Variants in MACF1 observed in about 807,000 individuals in gnomAD.
The protein encoded by MACF1 is microtubule-actin cross-linking factor 1.
A neutral mutation model predicts 854.8 loss-of-function variants in MACF1; 193 were observed. The observed-to-expected ratio is 0.23, with a 90% CI of 0.20 to 0.25. MACF1 has a LOEUF of 0.25. Ranked by LOEUF, MACF1 falls within the 10% of genes least tolerant of loss-of-function variation. The pLI is 1.00. For missense variants in MACF1, 7,722 were observed against 8,929.1 expected, an observed-to-expected ratio of 0.86 and a Z score of 5.45; for synonymous variants, 3,185 against 3,226.7, an observed-to-expected ratio of 0.99 and a Z score of 0.44.
Position 39,327,261 on chromosome 1 carries a change from G to A in MACF1, c.4522G>A (p.Ala1508Thr), listed in dbSNP as rs762237755. ...GAAACAAATATCTGAGCAATTGAAT[G>A]CCCTAAACAAGGCTTACCATGACCT... ...EKKQISEQLN[A>T]LNKAYHDLCD... The change falls in exon 36 of 101, where the codon GCC (alanine) becomes ACC (threonine). Residue 1508 changes from alanine (A) to threonine (T), a missense_variant. By Grantham distance (58) the Ala-to-Thr change is moderately conservative. This residue lies in a region of MACF1 where 1,531 missense variants were observed against 1,601.6 expected (regional missense o/e 0.96). Transcript: ENST00000564288. 2 of 1,602,564 alleles carry A rather than the reference G, an allele frequency of 1.2e-6. No individual in the cohort carries two copies. Among genetic ancestry groups the A allele is most frequent in the South Asian group, 1.1e-5 (1 of 90,334 alleles).
intron 2 of MACF1, among the ~76,000 whole-genome samples, chr1:39,144,871 TC>T (rs1473859657): frequency 4.6e-5 from 7 of 152,268 alleles, no homozygotes; most frequent in Admixed American, 3.9e-4. Context: ...CTCCTAGACA[TC>T]CCAGAATCTG....
intron 40 of MACF1, among the ~76,000 whole-genome samples, chr1:39,346,068 GA>G (rs547745127): frequency 8.8e-4 from 107 of 121,264 alleles, no homozygotes; most frequent in East Asian, 4.2e-3. Flanking sequence ...GACTCTGTTT[GA>G]AAAAAAAAAA....
In MACF1 at chr1:39,336,013, A is replaced by G. The variant is rs893388618; in HGVS notation, c.9425A>G (p.Gln3142Arg). 6.2e-7 allele frequency: 1 copy of G among 1,614,090 alleles called. No individual in the cohort carries two copies. The highest frequency in any genetic ancestry group is 8.5e-7 in the Non-Finnish European group (1 of 1,180,028). The change falls in exon 37 of 101, where the codon CAG becomes CGG. Residue 3142 changes from glutamine to arginine, a missense_variant. By Grantham distance (43) the Gln-to-Arg change is conservative. Transcript: ENST00000564288. ...AAGTCTTTCCAAGGAACCACCAGACAGGAGACCAACTATCAAGATTCCTGG... is the reference window on the plus strand; with the variant it reads ...AAGTCTTTCCAAGGAACCACCAGACGGGAGACCAACTATCAAGATTCCTGG... ...TDKSFQGTTR[Q>R]ETNYQDSWVT...
intron 2 of MACF1, among the ~76,000 whole-genome samples, chr1:39,132,832 G>A (rs1445180990): frequency 1.3e-5 from 2 of 152,134 alleles, no homozygotes; most frequent in Non-Finnish European, 2.9e-5. Context: ...GCACATACAT[G>A]AACCCAAGCT....
intron 6 of MACF1, among the ~76,000 whole-genome samples, chr1:39,273,322 C>G (rs985811743): frequency 6.6e-6 from 1 of 151,168 alleles, no homozygotes; most frequent in Non-Finnish European, 1.5e-5. Flanking sequence ...AGTGTTCTTG[C>G]CACAACCCTT....
At chr1:39,219,606 G>A (rs570824353) in intron 1 of MACF1, among the ~76,000 whole-genome samples, 1 of 152,214 alleles carries the variant, frequency 6.6e-6, no homozygotes, top group East Asian at 1.9e-4. Context: ...TTAATTGCTT[G>A]ACCTCCAATT....
chr1:39,191,199 CTTTTT>C (rs10708375), intron 2 of MACF1, among the ~76,000 whole-genome samples: 23 of 135,448 alleles, frequency 1.7e-4, no homozygotes, highest in East Asian at 2.1e-4. Flanking sequence ...TTCTTTCTTT[CTTTTT>C]TTTTTTTTTT....
At chr1:39,295,728 G>A (rs1036240059) in intron 19 of MACF1, 59 bp from the exon 20 acceptor site, 15 of 1,216,168 alleles carry the variant, frequency 1.2e-5, no homozygotes, top group African/African-American at 4.5e-5. Context: ...ATAGTATTGC[G>A]CATATATATT....
rs1157677199 is a variant in MACF1, at chr1:39,322,937, G to A, written c.4165G>A (p.Ala1389Thr). Residue 1389 changes from alanine to threonine, a missense_variant, in exon 33 of 101, where the codon GCA becomes ACA. Physicochemically the swap from Ala to Thr is moderately conservative, Grantham distance 58. Coordinates refer to ENST00000564288, the MANE Select transcript of MACF1 (RefSeq NM_001394062.1). ...EFMDLRTRYT[A>T]LVTLTTQHVK... ...CATGGACTTAAGGACTCGCTACACG[G>A]CATTGGTGACTTTAACAACTCAGCA... is the stretch of plus-strand genomic sequence containing the variant. 2 of 1,614,056 alleles carry A rather than the reference G, an allele frequency of 1.2e-6. No homozygotes were observed. The highest frequency in any genetic ancestry group is 1.1e-5 in the South Asian group (1 of 91,084).
At chr1:39,337,149 A>G in intron 37 of MACF1, 33 bp from the exon 38 acceptor site, 2 of 1,596,760 alleles carry the variant, frequency 1.3e-6, no homozygotes, top group Non-Finnish European at 8.5e-7. Flanking sequence ...GGAGAACGTC[A>G]GAACTGAGTC....
intron 44 of MACF1, among the ~76,000 whole-genome samples, chr1:39,354,115 C>A (rs998173309): frequency 6.6e-6 from 1 of 152,152 alleles, no homozygotes; most frequent in African/African-American, 2.4e-5. Context: ...ACTTATTTGG[C>A]CTTATCTGTC....
chr1:39,269,100 G>C, intron 6 of MACF1: 1 of 1,289,802 alleles, frequency 7.8e-7, no homozygotes. Flanking sequence ...AGGGGTCTGG[G>C]ATTCCCTGGA....
intron 6 of MACF1, among the ~76,000 whole-genome samples, chr1:39,272,042 T>C (rs760267373): frequency 5.3e-5 from 8 of 152,204 alleles, no homozygotes; most frequent in Non-Finnish European, 4.4e-5. Flanking sequence ...ACCTTTTCAC[T>C]GCAGACACAG....
chr1:39,457,132 T>A (rs988717691), intron 89 of MACF1: 1 of 152,268 alleles, frequency 6.6e-6, no homozygotes. Context: ...ATCTTTTTCA[T>A]CTTCAGCACT....
chr1:39,240,971 A>T (rs905718856), intron 2 of MACF1, among the ~76,000 whole-genome samples: 4 of 151,964 alleles, frequency 2.6e-5, no homozygotes, highest in African/African-American at 9.7e-5. Context: ...TCCAACAGGG[A>T]TTCCCAGCTG....
rs749864637 is a variant in MACF1, at chr1:39,331,171, CCTTTTTTTTTTT to C, written c.4615-31_4615-20del. The C allele has an allele frequency of 7.3e-7, 1 of 1,363,146 alleles. No individual in the cohort carries two copies. Among genetic ancestry groups the C allele is most frequent in the Non-Finnish European group, 9.5e-7 (1 of 1,049,910 alleles). 84.4% of individuals were successfully genotyped at this position (1,363,146 alleles called of 1,614,324 possible). ...TTCAGTTTTCTTTTTCTTCTCTTTT[CCTTTTTTTTTTT>C]TTTTTTTTTTTTTTTTTAGGAATGC... On this transcript the variant is annotated intron_variant, in intron 36 of 100. Coordinates refer to ENST00000564288, the MANE Select transcript of MACF1 (RefSeq NM_001394062.1).
chr1:39,263,184 G>C (rs1264540237), intron 6 of MACF1, among the ~76,000 whole-genome samples: 2 of 152,102 alleles, frequency 1.3e-5, no homozygotes, highest in Admixed American at 6.5e-5. Context: ...CTGTGTTATT[G>C]GTGTTAATGA....
chr1:39,393,196 A>AATATATATATATATATATATATAT (rs1553345251), intron 58 of MACF1, among the ~76,000 whole-genome samples: 1 of 66,574 alleles, frequency 1.5e-5, no homozygotes, highest in Non-Finnish European at 2.6e-5. Context: ...AAAAAAAAAA[A>AATATATATATATATATATATATAT]ATATATATAT....
chr1:39,472,585 C>T (rs61779308), intron 97 of MACF1, among the ~76,000 whole-genome samples: 23,928 of 152,156 alleles, frequency 0.16, 2,352 homozygotes, highest in Middle Eastern at 0.22. Context: ...TACCAAGAAT[C>T]GTTTCATTGC....
Sources: allele counts gnomAD v4.1 joint callset (sites outside exome capture counted in the v4.1 genomes callset), GRCh38; gene constraint gnomAD v4.1.1; regional missense constraint gnomAD v4.1.1; transcripts MANE v1.5; gene names NCBI Gene and HGNC (gene_info 2026-07-23, HGNC 2026-07-21).